Variants in GXYLT2 observed in about 807,000 individuals in gnomAD.
GXYLT2 encodes glucoside xylosyltransferase 2.
A neutral mutation model predicts 45.8 loss-of-function variants in GXYLT2; 53 were observed. The ratio of observed to expected loss-of-function variants is 1.16; its 90% CI spans 0.93 to 1.46. GXYLT2 has a LOEUF of 1.46. GXYLT2 is among the 40% of genes most tolerant of loss of function. The pLI is 0.00. For missense variants in GXYLT2, 551 were observed against 544.4 expected (o/e 1.01, Z -0.12); for synonymous variants, 219 against 214.2 (o/e 1.02, Z -0.19).
At chr3:72,916,448 A>C (rs966005181) in intron 2 of GXYLT2, among the ~76,000 whole-genome samples, 4 of 151,282 alleles carry the variant, frequency 2.6e-5, no homozygotes, top group African/African-American at 7.3e-5. Context: ...TTGACCTCTC[A>C]AAGTGTTGAG....
At chr3:72,967,069 G>A (rs1710879574) in intron 5 of GXYLT2, among the ~76,000 whole-genome samples, 1 of 152,198 alleles carries the variant, frequency 6.6e-6, no homozygotes, top group Non-Finnish European at 1.5e-5. Context: ...CACCCAGCCA[G>A]TGCAACTGCT....
chr3:72,929,153 A>T (rs1028083765), intron 3 of GXYLT2: 1 of 1,588,040 alleles, frequency 6.3e-7, no homozygotes, highest in African/African-American at 1.3e-5. Context: ...TTACCTGTCC[A>T]TGTCTTACTA....
intron 3 of GXYLT2, chr3:72,927,310 C>T (rs1302363592): frequency 6.6e-6 from 1 of 152,102 alleles, no homozygotes. Flanking sequence ...AGAAACTTGT[C>T]CCACTCCTTA....
intron 3 of GXYLT2, among the ~76,000 whole-genome samples, chr3:72,934,475 C>G (rs1341126771): frequency 6.6e-6 from 1 of 152,060 alleles, no homozygotes; most frequent in Non-Finnish European, 1.5e-5. Context: ...AAATCTTTAA[C>G]CAGCAGTGGG....
intron 3 of GXYLT2, among the ~76,000 whole-genome samples, chr3:72,931,197 T>G (rs1461506401): frequency 6.6e-6 from 1 of 152,146 alleles, no homozygotes; most frequent in Non-Finnish European, 1.5e-5. Context: ...AATGTAGAAA[T>G]TAAGTAACAT....
At chr3:72,896,168 A>G (rs1478261772) in intron 1 of GXYLT2, among the ~76,000 whole-genome samples, 4 of 152,348 alleles carry the variant, frequency 2.6e-5, no homozygotes, top group Non-Finnish European at 4.4e-5. Flanking sequence ...GTCCTCAGCA[A>G]ATTGTGGCTT....
At chr3:72,927,863 C>T (rs1320833579) in intron 3 of GXYLT2, among the ~76,000 whole-genome samples, 1 of 152,228 alleles carries the variant, frequency 6.6e-6, no homozygotes, top group African/African-American at 2.4e-5. Flanking sequence ...AAAAGTTTGA[C>T]ATTCAGGATA....
At chr3:72,925,580 T>G (rs1297078654) in intron 3 of GXYLT2, among the ~76,000 whole-genome samples, 2 of 152,178 alleles carry the variant, frequency 1.3e-5, no homozygotes, top group African/African-American at 2.4e-5. Context: ...TGATTACTCT[T>G]TGAGGTGAGA....
chr3:72,888,327 C>T lies in GXYLT2; in HGVS notation c.94C>T (p.Pro32Ser). ...GTCCCTGCGCGCTGGCCGCGCTGAG[C>T]CCCCAGCGCTGCCCGCGCGCCCCGC... ...LLSLRAGRAEPPALPARPASA... is the reference protein window; with the variant it reads ...LLSLRAGRAESPALPARPASA... The change falls in exon 1 of 7, where the codon CCC becomes TCC. Residue 32 changes from proline (P) to serine (S), a missense_variant. Pro to Ser is a moderately conservative substitution (Grantham distance 74). Transcript: ENST00000389617. The T allele has an allele frequency of 1.0e-6, 1 of 983,830 alleles. No homozygotes were observed. Among genetic ancestry groups the T allele is most frequent in the Non-Finnish European group, 1.2e-6 (1 of 830,566 alleles). 60.9% of individuals were successfully genotyped at this position (983,830 alleles called of 1,614,324 possible).
chr3:72,947,802 C>CT lies in GXYLT2; in HGVS notation c.601-7295dup, dbSNP rs545920144. 2.6e-5 allele frequency among the ~76,000 whole-genome samples: 4 copies of CT among 151,688 alleles called. No individual in the cohort carries two copies. In the South Asian group the frequency reaches 8.4e-4, roughly 32 times the overall value. On this transcript the variant is annotated intron_variant, in intron 3 of 6. Transcript: ENST00000389617. ...GGGCAACAGGAGCAAAACTCCATCT[C>CT]TAAAAAAAAAGAAAGAAATGCAGTG... is the stretch of plus-strand genomic sequence containing the variant.
chr3:72,973,778 A>G (rs755824686), intron 6 of GXYLT2, among the ~76,000 whole-genome samples: 12 of 152,178 alleles, frequency 7.9e-5, no homozygotes, highest in Non-Finnish European at 1.5e-4. Context: ...TGTTCCCATT[A>G]CTGGAGCTAC....
chr3:72,959,526 G>T (rs1370090688), intron 5 of GXYLT2, among the ~76,000 whole-genome samples: 2 of 152,166 alleles, frequency 1.3e-5, no homozygotes, highest in African/African-American at 4.8e-5. Context: ...CTCCCAAAGT[G>T]CTGGGATTTC....
intron 3 of GXYLT2, among the ~76,000 whole-genome samples, chr3:72,946,132 C>A (rs190716135): frequency 6.6e-6 from 1 of 151,848 alleles, no homozygotes; most frequent in Non-Finnish European, 1.5e-5. Context: ...TAAAAATTAG[C>A]TAGGCCTGAT....
intron 2 of GXYLT2, among the ~76,000 whole-genome samples, chr3:72,910,549 C>G (rs1709596378): frequency 6.6e-6 from 1 of 152,186 alleles, no homozygotes; most frequent in Non-Finnish European, 1.5e-5. Context: ...ACAACTCCCC[C>G]AAAACTCAGA....
intron 3 of GXYLT2, among the ~76,000 whole-genome samples, chr3:72,948,216 G>A (rs546505504): frequency 1.5e-4 from 23 of 152,312 alleles, no homozygotes; most frequent in African/African-American, 5.3e-4. Flanking sequence ...GAAAACCAGT[G>A]AGGATATAGA....
intron 1 of GXYLT2, among the ~76,000 whole-genome samples, chr3:72,904,623 A>C (rs1709469340): frequency 6.6e-6 from 1 of 151,578 alleles, no homozygotes; most frequent in Admixed American, 6.6e-5. Flanking sequence ...CTTGCAGAAC[A>C]GTGCATGCTT....
chr3:72,935,860 A>G (rs73838423), intron 3 of GXYLT2, among the ~76,000 whole-genome samples: 4,639 of 152,190 alleles, frequency 0.03, 224 homozygotes, highest in African/African-American at 0.11. Flanking sequence ...TGTGAGTCTA[A>G]TGTACTCCAC....
intron 2 of GXYLT2, among the ~76,000 whole-genome samples, chr3:72,920,457 G>A (rs935206912): frequency 5.9e-5 from 9 of 151,810 alleles, no homozygotes; most frequent in Non-Finnish European, 2.9e-5. Context: ...TTTTTAAGAG[G>A]CAGGTCTTGT....
At chr3:72,913,024 G>GTTTTT (rs1388983253) in intron 2 of GXYLT2, among the ~76,000 whole-genome samples, 1 of 145,220 alleles carries the variant, frequency 6.9e-6, no homozygotes. Context: ...ATTTCCTCAG[G>GTTTTT]TTTTTTTTTT....
Sources: allele counts gnomAD v4.1 joint callset (sites outside exome capture counted in the v4.1 genomes callset), GRCh38; gene constraint gnomAD v4.1.1; transcripts MANE v1.5; gene names NCBI Gene and HGNC (gene_info 2026-07-23, HGNC 2026-07-21).